The following C12orf43 variants were observed in gnomAD, a reference collection of about 807,000 sequenced individuals.
The protein encoded by C12orf43 is protein CUSTOS.
A neutral mutation model predicts 20.6 loss-of-function variants in C12orf43; 15 were observed. That is an observed-to-expected ratio of 0.73 (90% CI 0.49 to 1.12). The LOEUF is 1.12. Among genes scored for constraint, C12orf43 ranks in the 50% most tolerant of loss-of-function variants. The pLI, the probability that C12orf43 is intolerant of heterozygous loss-of-function variation, is 0.00. For synonymous variants in C12orf43, 144 were observed against 130.8 expected, an observed-to-expected ratio of 1.10 and a Z score of -0.69; for missense variants, 334 against 344.4, an observed-to-expected ratio of 0.97 and a Z score of 0.24.
Position 121,001,642 on chromosome 12 carries a change from C to T in C12orf43, c.*2511G>A, listed in dbSNP as rs1016084722. The T allele has an allele frequency of 8.9e-6, 4 of 448,138 alleles. No homozygotes were observed. The highest frequency in any genetic ancestry group is 1.7e-5 in the Non-Finnish European group (4 of 233,620). 27.8% of individuals were successfully genotyped at this position (448,138 alleles called of 1,614,324 possible). A position where few individuals can be genotyped will look rare whatever the true frequency, so the allele number is the denominator to read the frequency against. ...TCTGAGAGGCCCTGGATCAGCGTGG[C>T]CTTGTTCTGTCACCAATGTACCCAC... On this transcript the variant is annotated 3_prime_UTR_variant, in exon 6 of 6. Coordinates refer to ENST00000288757, the MANE Select transcript of C12orf43 (RefSeq NM_022895.3).
rs961161062 is a variant in C12orf43, at chr12:121,004,717, T to C, written c.453-228A>G. Among the ~76,000 whole-genome samples the C allele has an allele frequency of 6.6e-6, 1 of 152,148 alleles. No individual in the cohort carries two copies. The highest frequency in any genetic ancestry group is 2.4e-5 in the African/African-American group (1 of 41,430). ...TTAACCTCTCTGACTGTATCATCTC[T>C]AAAACGGGGATCTTAACAGAGTCCA... On this transcript the variant is annotated intron_variant, in intron 5 of 5. Coordinates refer to ENST00000288757, the MANE Select transcript of C12orf43 (RefSeq NM_022895.3). The surrounding 1 kb of genome is among the most constrained non-coding windows in gnomAD (Gnocchi z 5.6).
At chr12:121,012,849 T>TAAAAAAAAAAAAAAAAAAAAAAA (rs10636003) in intron 1 of C12orf43, among the ~76,000 whole-genome samples, 4 of 91,992 alleles carry the variant, frequency 4.3e-5, no homozygotes, top group African/African-American at 1.5e-4. Context: ...AGACTCCGTC[T>TAAAAAAAAAAAAAAAAAAAAAAA]AAAAAAAAAA....
At chr12:121,015,199 G>A (rs1288266972) in intron 1 of C12orf43, among the ~76,000 whole-genome samples, 1 of 152,154 alleles carries the variant, frequency 6.6e-6, no homozygotes, top group Non-Finnish European at 1.5e-5. Flanking sequence ...CACCGCTAAT[G>A]AGATGGAAAG....
chr12:121,012,756 G>A (rs550876208), intron 1 of C12orf43: 21 of 271,908 alleles, frequency 7.7e-5, no homozygotes, highest in South Asian at 7.4e-4. Flanking sequence ...AGAAGCTGAG[G>A]CAGGAGAATC....
At chr12:121,013,647 T>A (rs1474942172) in intron 1 of C12orf43, among the ~76,000 whole-genome samples, 1 of 152,190 alleles carries the variant, frequency 6.6e-6, no homozygotes, top group Non-Finnish European at 1.5e-5. Flanking sequence ...GTGGTTTGAG[T>A]GACGAGTTCA....
At chr12:121,011,880 C>T (rs1868397727) in intron 1 of C12orf43, among the ~76,000 whole-genome samples, 1 of 152,206 alleles carries the variant, frequency 6.6e-6, no homozygotes, top group African/African-American at 2.4e-5. Context: ...TTCCCTCAAA[C>T]CAGATACTGA....
At position 121,004,507 on chromosome 12, in the gene C12orf43, T is replaced by C; in HGVS notation, c.453-18A>G. On this transcript the variant is annotated intron_variant, in intron 5 of 5. Transcript: ENST00000288757. This position sits in a 1 kb window ranked among gnomAD's most constrained non-coding sequence, Gnocchi z 5.6. ...TGTCCTCACTGCTGCAACGAGAGGG[T>C]ACCCTGGGTTAGCTGGAGTCAGGAC... The C allele has an allele frequency of 6.4e-7, 1 of 1,570,088 alleles. No individual in the cohort carries two copies. Among genetic ancestry groups the C allele is most frequent in the Non-Finnish European group, 8.6e-7 (1 of 1,160,712 alleles).
intron 1 of C12orf43, among the ~76,000 whole-genome samples, chr12:121,014,273 A>G (rs1313041094): frequency 6.6e-6 from 1 of 151,990 alleles, no homozygotes; most frequent in African/African-American, 2.4e-5. Context: ...CGGAGGTTGC[A>G]GGGAGCCAAG....
chr12:121,012,528 A>G, intron 1 of C12orf43: 2 of 701,634 alleles, frequency 2.9e-6, no homozygotes, highest in Admixed American at 4.0e-5. Context: ...TGTGGTGAGA[A>G]GTGGGTGAAC....
chr12:121,012,012 C>T (rs1309031805), intron 1 of C12orf43, among the ~76,000 whole-genome samples: 1 of 151,976 alleles, frequency 6.6e-6, no homozygotes. Context: ...AACAAAATGT[C>T]AAGTTGGATA....
At position 121,002,306 on chromosome 12, in the gene C12orf43, G is replaced by A. The variant is rs781274201; in HGVS notation, c.*1847C>T. 2.2e-6 allele frequency: 1 copy of A among 446,144 alleles called. No individual in the cohort carries two copies. The highest frequency in any genetic ancestry group is 4.0e-5 in the East Asian group (1 of 24,934). 27.6% of individuals were successfully genotyped at this position (446,144 alleles called of 1,614,324 possible). A position where few individuals can be genotyped will look rare whatever the true frequency, so the allele number is the denominator to read the frequency against. Reference sequence around the variant, plus strand: ...CTGAGGTCCTGAGCACTGCCAGGAGGGACAAAGGAGCCTGTGAACCCAGGA... The same window carrying A: ...CTGAGGTCCTGAGCACTGCCAGGAGAGACAAAGGAGCCTGTGAACCCAGGA... On this transcript the variant is annotated 3_prime_UTR_variant, in exon 6 of 6. Transcript: ENST00000288757.
rs1288581255 is a variant in C12orf43 at position 121,004,130 on chromosome 12, G to T, written c.*23C>A. ...GGACACCTTGTCCTTGGAGCTGGCT[G>T]AGCCCTGTGCCCATGGCTGGGTTCA... On this transcript the variant is annotated 3_prime_UTR_variant, in exon 6 of 6. Coordinates refer to ENST00000288757, the MANE Select transcript of C12orf43 (RefSeq NM_022895.3). The surrounding 1 kb of genome is among the most constrained non-coding windows in gnomAD (Gnocchi z 5.6). 1.2e-6 allele frequency: 2 copies of T among 1,611,512 alleles called. No homozygotes were observed. The highest frequency in any genetic ancestry group is 1.7e-5 in the Admixed American group (1 of 60,030).
chr12:121,010,981 G>A (rs1417613131), intron 2 of C12orf43, 55 bp from the exon 3 acceptor site: 1 of 1,602,024 alleles, frequency 6.2e-7, no homozygotes, highest in Non-Finnish European at 8.6e-7. Context: ...CTGTCCCCAT[G>A]AGCACAGGGA....
Position 121,002,094 on chromosome 12 carries a change from G to A in C12orf43, c.*2059C>T, listed in dbSNP as rs758341397. On this transcript the variant is annotated 3_prime_UTR_variant, in exon 6 of 6. Coordinates refer to ENST00000288757, the MANE Select transcript of C12orf43 (RefSeq NM_022895.3). ...GACCCTGCCCTTGTTTGGGGCAGGA[G>A]TAGCTGAGCTCACAAGGCAGCAAGG... 2 of 534,986 alleles carry A rather than the reference G, an allele frequency of 3.7e-6. No homozygotes were observed. Among genetic ancestry groups the A allele is most frequent in the South Asian group, 3.1e-5 (2 of 65,056 alleles). The allele number at this position is 534,986 out of a possible 1,614,324, so 33.1% of individuals were successfully genotyped here. A position where few individuals can be genotyped will look rare whatever the true frequency, so the allele number is the denominator to read the frequency against.
At chr12:121,006,522 T>C in intron 3 of C12orf43, 128 bp from the exon 4 acceptor site, 1 of 832,578 alleles carries the variant, frequency 1.2e-6, no homozygotes, top group East Asian at 2.5e-5. Context: ...GCTGGCCTAG[T>C]AAGAGGGCTG....
rs1057473810 is a variant in C12orf43 at position 121,001,169 on chromosome 12, C to G, written c.*2984G>C. 1.9e-6 allele frequency: 3 copies of G among 1,614,142 alleles called. No homozygotes were observed. The highest frequency in any genetic ancestry group is 2.5e-6 in the Non-Finnish European group (3 of 1,180,008). On this transcript the variant is annotated 3_prime_UTR_variant, in exon 6 of 6. Coordinates refer to ENST00000288757, the MANE Select transcript of C12orf43 (RefSeq NM_022895.3). ...CGTCATCGAGACCTTCATCTCCACC[C>G]AGATGGCCTCTTCCTCCCAGTAACC...
rs1470016500 is a variant in C12orf43 at position 121,000,707 on chromosome 12, A to G, written c.*3446T>C. 8 of 348,516 alleles carry G rather than the reference A, an allele frequency of 2.3e-5. No homozygotes were observed. The Admixed American group carries it at 2.8e-4, about 12-fold the overall frequency. 21.6% of individuals were successfully genotyped at this position (348,516 alleles called of 1,614,324 possible). A position where few individuals can be genotyped will look rare whatever the true frequency, so the allele number is the denominator to read the frequency against. On this transcript the variant is annotated 3_prime_UTR_variant, in exon 6 of 6. Transcript: ENST00000288757. ...GGGTAATCTCCTTCACTCAAAGCCA[A>G]CTGATTGTGGCATTAACCACATCTA...
rs766860607 is a variant in C12orf43 at position 121,005,107 on chromosome 12, G to A, written c.362-14C>T. On this transcript the variant is annotated splice_polypyrimidine_tract_variant and intron_variant, in intron 4 of 5. Coordinates refer to ENST00000288757, the MANE Select transcript of C12orf43 (RefSeq NM_022895.3). The surrounding 1 kb of genome is among the most constrained non-coding windows in gnomAD (Gnocchi z 5.6). ...AAAGGCGGAAACCTAAGATTCAATG[G>A]GGCAGAGTCAAACAAAAACAAAACA... The A allele has an allele frequency of 1.1e-5, 14 of 1,239,288 alleles. No homozygotes were observed. The Admixed American group carries it at 3.9e-4, about 34-fold the overall frequency. 76.8% of individuals were successfully genotyped at this position (1,239,288 alleles called of 1,614,324 possible).
chr12:121,008,618 C>T (rs968916980), intron 3 of C12orf43, among the ~76,000 whole-genome samples: 3 of 152,250 alleles, frequency 2.0e-5, no homozygotes, highest in African/African-American at 2.4e-5. Context: ...TGAAATGCAG[C>T]TGCCTTCCTA....
Sources: allele counts gnomAD v4.1 joint callset (sites outside exome capture counted in the v4.1 genomes callset), GRCh38; gene constraint gnomAD v4.1.1; non-coding constraint Gnocchi (gnomAD v3.1); transcripts MANE v1.5; gene names NCBI Gene and HGNC (gene_info 2026-07-23, HGNC 2026-07-21).